PUDP: variants seen among roughly 807,000 people sequenced by gnomAD.
PUDP encodes the protein pseudouridine-5'-phosphatase.
A neutral mutation model predicts 9.4 loss-of-function variants in PUDP; 8 were observed. The ratio of observed to expected loss-of-function variants is 0.85; its 90% CI spans 0.50 to 1.53. The LOEUF is 1.53. Ranked by LOEUF, PUDP falls within the 40% of genes most tolerant of loss-of-function variation. The probability of loss-of-function intolerance (pLI) is 0.00; values close to 1 mark genes in which losing one functional copy is unlikely to be tolerated. For missense variants in PUDP, 188 were observed against 189.7 expected (o/e 0.99, Z 0.05); for synonymous variants, 99 against 80.7 (o/e 1.23, Z -1.22).
intron 3 of PUDP, among the ~76,000 whole-genome samples, chrX:7,071,206 C>A (rs950339388): frequency 1.8e-5 from 2 of 111,257 alleles, no homozygotes; most frequent in African/African-American, 6.5e-5. Flanking sequence ...AATATATGCC[C>A]AGCGACAGTT....
chrX:6,887,957 G>A (rs1045421451), intron 3 of PUDP, among the ~76,000 whole-genome samples: 1 of 111,327 alleles, frequency 9.0e-6, no homozygotes, highest in African/African-American at 3.3e-5. Flanking sequence ...TCAGAGACAG[G>A]GCAGACAGTC....
chrX:7,142,568 A>G (rs1358100346), intron 1 of PUDP, among the ~76,000 whole-genome samples: 1 of 111,440 alleles, frequency 9.0e-6, no homozygotes, highest in East Asian at 2.8e-4. Flanking sequence ...TGTTGAAGTG[A>G]CAACAAAGGA....
intron 3 of PUDP, among the ~76,000 whole-genome samples, chrX:6,799,460 T>C (rs1447272265): frequency 8.9e-6 from 1 of 112,433 alleles, no homozygotes; most frequent in Non-Finnish European, 1.9e-5. Context: ...TTTATTTCTA[T>C]ATATTCAAAC....
chrX:6,910,506 C>T (rs948500039), intron 3 of PUDP, among the ~76,000 whole-genome samples: 2 of 111,433 alleles, frequency 1.8e-5, no homozygotes, highest in African/African-American at 6.5e-5. Flanking sequence ...GAATAGGATA[C>T]AGAACACAGA....
At chrX:6,964,789 C>G (rs1199750777) in intron 3 of PUDP, among the ~76,000 whole-genome samples, 3 of 111,868 alleles carry the variant, frequency 2.7e-5, no homozygotes, top group Non-Finnish European at 5.6e-5. Context: ...AAATAAGATA[C>G]GATCCTTTCC....
chrX:7,126,421 T>C (rs1932488621), intron 1 of PUDP, among the ~76,000 whole-genome samples: 1 of 112,060 alleles, frequency 8.9e-6, no homozygotes, highest in South Asian at 3.7e-4. Context: ...TCAAAAATCT[T>C]AGATTCTTGG....
intron 1 of PUDP, among the ~76,000 whole-genome samples, chrX:7,114,149 A>C (rs1167538258): frequency 3.6e-5 from 4 of 111,250 alleles, no homozygotes; most frequent in African/African-American, 1.3e-4. Flanking sequence ...ATCTCAGCTC[A>C]CTGAAACCTC....
At chrX:6,857,916 C>T in intron 3 of PUDP, among the ~76,000 whole-genome samples, 1 of 111,856 alleles carries the variant, frequency 8.9e-6, no homozygotes, top group Non-Finnish European at 1.9e-5. Flanking sequence ...CAGCACAGAA[C>T]TTCTGAAACC....
intron 1 of PUDP, among the ~76,000 whole-genome samples, chrX:7,147,683 AAG>A (rs1932898335): frequency 1.8e-5 from 2 of 111,916 alleles, no homozygotes; most frequent in Admixed American, 1.9e-4. Flanking sequence ...CGTAACCGAA[AAG>A]AGAGCGCGGA....
At chrX:6,771,504 T>A (rs1925363593) in intron 3 of PUDP, among the ~76,000 whole-genome samples, 2 of 111,965 alleles carry the variant, frequency 1.8e-5, no homozygotes, top group Admixed American at 1.9e-4. Flanking sequence ...CTCTCACCCA[T>A]TAGACCATTT....
chrX:7,112,372 T>C (rs190093286), intron 1 of PUDP, among the ~76,000 whole-genome samples: 1 of 112,254 alleles, frequency 8.9e-6, no homozygotes, highest in East Asian at 2.8e-4. Context: ...AGATTTTGGG[T>C]AACGGATTAT....
intron 1 of PUDP, among the ~76,000 whole-genome samples, chrX:6,978,609 A>T (rs1187087760): frequency 8.9e-6 from 1 of 112,235 alleles, no homozygotes; most frequent in East Asian, 2.8e-4. Flanking sequence ...CAAAAAATGA[A>T]CAACAGTCAT....
intron 1 of PUDP, among the ~76,000 whole-genome samples, chrX:7,020,015 G>A (rs1473596903): frequency 9.1e-6 from 1 of 110,180 alleles, no homozygotes; most frequent in Non-Finnish European, 1.9e-5. Flanking sequence ...GAGGATGCAG[G>A]AAGAATGAGA....
At chrX:7,126,294 C>A (rs1467777833) in intron 1 of PUDP, among the ~76,000 whole-genome samples, 4 of 110,976 alleles carry the variant, frequency 3.6e-5, no homozygotes, top group Non-Finnish European at 7.5e-5. Flanking sequence ...AATGGAGAAA[C>A]TTCTCTGGTG....
At chrX:7,139,041 C>T (rs779299457) in intron 1 of PUDP, among the ~76,000 whole-genome samples, 4 of 111,956 alleles carry the variant, frequency 3.6e-5, no homozygotes, top group Non-Finnish European at 7.5e-5. Flanking sequence ...TCCTATCTAT[C>T]CTTGACAGTA....
At chrX:6,939,578 C>A (rs1169567943) in intron 3 of PUDP, among the ~76,000 whole-genome samples, 3 of 109,848 alleles carry the variant, frequency 2.7e-5, no homozygotes, top group Non-Finnish European at 5.7e-5. Flanking sequence ...CTCAAGAATT[C>A]TGAGGCCAGG....
chrX:6,914,853 A>G (rs1927905497), intron 3 of PUDP, among the ~76,000 whole-genome samples: 2 of 112,693 alleles, frequency 1.8e-5, no homozygotes, highest in Non-Finnish European at 3.7e-5. Context: ...ATATAAAGTG[A>G]ACCACCCTCT....
At chrX:6,838,968 C>T (rs1926625750) in intron 3 of PUDP, among the ~76,000 whole-genome samples, 1 of 111,863 alleles carries the variant, frequency 8.9e-6, no homozygotes, top group Non-Finnish European at 1.9e-5. Flanking sequence ...GCACAGACTC[C>T]CTTTCTGTCA....
intron 2 of PUDP, among the ~76,000 whole-genome samples, chrX:7,082,197 G>A (rs1177560778): frequency 8.9e-6 from 1 of 112,161 alleles, no homozygotes; most frequent in Non-Finnish European, 1.9e-5. Context: ...ATCTCCAGGG[G>A]AAGAACTGGG....
Sources: gnomAD v4.1 joint callset for allele counts (sites outside exome capture counted in the v4.1 genomes callset) on GRCh38, gnomAD v4.1.1 for gene constraint, MANE v1.5 for transcripts, NCBI Gene and HGNC (gene_info 2026-07-23, HGNC 2026-07-21) for gene names.